The following SYNE2 variants were observed in gnomAD, a reference collection of about 807,000 sequenced individuals.
The protein encoded by SYNE2 is spectrin repeat containing nuclear envelope protein 2.
In SYNE2, 431 loss-of-function variants were observed where a neutral mutation model predicts 856.3. The ratio of observed to expected loss-of-function variants is 0.50; its 90% confidence interval spans 0.47 to 0.55. The LOEUF (loss-of-function observed/expected upper bound fraction) is 0.55. Among genes scored for constraint, SYNE2 ranks in the 20% least tolerant of loss-of-function variants. SYNE2 has a pLI of 0.00. For synonymous variants in SYNE2, 2,923 were observed against 2,872.3 expected (o/e 1.02, Z -0.56); for missense variants, 8,129 against 8,023.2 (o/e 1.01, Z -0.50).
At chr14:64,173,292 G>A (rs2098419468) in intron 94 of SYNE2, among the ~76,000 whole-genome samples, 1 of 152,246 alleles carries the variant, frequency 6.6e-6, no homozygotes, top group African/African-American at 2.4e-5. Context: ...ATAGTGTGCT[G>A]TTGACAGAGT....
In SYNE2 at chr14:64,073,981, G is replaced by C. The variant is rs2097435549; in HGVS notation, c.10711G>C (p.Val3571Leu). The C allele has an allele frequency of 6.2e-7, 1 of 1,614,080 alleles. No individual in the cohort carries two copies. Among genetic ancestry groups the C allele is most frequent in the Non-Finnish European group, 8.5e-7 (1 of 1,179,994 alleles). ...GTTCTCTTTTAGGCTTCTTCAGAAA[G>C]TTCAGAAAAATAAAGAATTGGTGCA... The part of the protein sequence containing the change: ...KERCNKLLQK[V>L]QKNKELVQTE... The change falls in exon 53 of 116, where the codon GTT (valine) becomes CTT (leucine). Residue 3571 changes from valine (V) to leucine (L), a missense_variant. By Grantham distance (32) the Val-to-Leu change is conservative (BLOSUM62 1). Coordinates refer to ENST00000555002, the MANE Select transcript of SYNE2 (RefSeq NM_182914.3).
At chr14:64,221,999 G>C (rs765917560) in intron 112 of SYNE2, among the ~76,000 whole-genome samples, 9 of 152,166 alleles carry the variant, frequency 5.9e-5, no homozygotes, top group Admixed American at 2.0e-4. Context: ...TTTTTCTCTC[G>C]TGAATCCTGC....
chr14:63,801,188 T>C lies in SYNE2; in HGVS notation c.-305+39202T>C, dbSNP rs552206005. Among the ~76,000 whole-genome samples the C allele has an allele frequency of 5.9e-5, 9 of 152,250 alleles. No homozygotes were observed. In the South Asian group the frequency reaches 1.9e-3, roughly 32 times the overall value. On this transcript the variant is annotated intron_variant, in intron 1 of 23. Coordinates refer to the SYNE2 transcript ENST00000674003. ...AGTGCCTGCCAGATATGACACATGCTACACAGAGAGCAGAAAGGGTTTCTT... is the reference window on the plus strand; with the variant it reads ...AGTGCCTGCCAGATATGACACATGCCACACAGAGAGCAGAAAGGGTTTCTT...
intron 1 of SYNE2, among the ~76,000 whole-genome samples, chr14:63,875,011 A>G (rs561711156): frequency 6.6e-6 from 1 of 152,172 alleles, no homozygotes; most frequent in Non-Finnish European, 1.5e-5. Flanking sequence ...TATCTTCTTC[A>G]TGATCACATG....
Position 64,190,227 on chromosome 14 carries a change from A to G in SYNE2, c.18028A>G (p.Ile6010Val), listed in dbSNP as rs749804851. 3 of 1,614,174 alleles carry G rather than the reference A, an allele frequency of 1.9e-6. No individual in the cohort carries two copies. The highest frequency in any genetic ancestry group is 1.7e-6 in the Non-Finnish European group (2 of 1,180,032). ...NDRWQHLFDV[I>V]GSRVKKLKET... ...TCGTTGGCAACATCTTTTTGATGTCATCGGATCAAGGTAAGAAATGGGCTA... is the reference window on the plus strand; with the variant it reads ...TCGTTGGCAACATCTTTTTGATGTCGTCGGATCAAGGTAAGAAATGGGCTA... The change falls in exon 99 of 116, where the codon ATC becomes GTC. Residue 6010 changes from isoleucine to valine, a missense_variant. Ile to Val is a conservative substitution (Grantham distance 29). Around this residue, in one of 3 missense-constraint regions of SYNE2, gnomAD observed 5,410 missense variants for 5,284.8 expected, o/e 1.02. Transcript: ENST00000555002.
intron 51 of SYNE2, among the ~76,000 whole-genome samples, chr14:64,069,593 T>A (rs1330355376): frequency 1.3e-5 from 2 of 152,180 alleles, no homozygotes; most frequent in African/African-American, 4.8e-5. Flanking sequence ...TGAGCAGTAA[T>A]CCCAAGGATA....
chr14:63,929,491 C>T (rs948419445), intron 2 of SYNE2, among the ~76,000 whole-genome samples: 1 of 152,140 alleles, frequency 6.6e-6, no homozygotes, highest in African/African-American at 2.4e-5. Context: ...TTCTCTGAGG[C>T]CAGCCGCTGT....
intron 6 of SYNE2, among the ~76,000 whole-genome samples, chr14:63,946,973 C>T (rs1265958498): frequency 1.3e-5 from 2 of 152,140 alleles, no homozygotes; most frequent in Middle Eastern, 3.4e-3. Flanking sequence ...CCTCAGCCTC[C>T]TGAGTATCTG....
intron 1 of SYNE2, among the ~76,000 whole-genome samples, chr14:63,781,725 G>A (rs1887319317): frequency 6.6e-6 from 1 of 151,640 alleles, no homozygotes; most frequent in South Asian, 2.1e-4. Context: ...CTCCAGTGTG[G>A]GACTAGAAAC....
intron 45 of SYNE2, among the ~76,000 whole-genome samples, chr14:64,036,172 T>G (rs973507852): frequency 4.0e-5 from 6 of 151,628 alleles, no homozygotes; most frequent in African/African-American, 1.5e-4. Flanking sequence ...GTTTCAAAGT[T>G]TCTTTTTCCT....
At chr14:64,095,712 G>T (rs2097671010) in intron 61 of SYNE2, among the ~76,000 whole-genome samples, 1 of 152,120 alleles carries the variant, frequency 6.6e-6, no homozygotes, top group Non-Finnish European at 1.5e-5. Flanking sequence ...TGCAGCAGAA[G>T]TGCCATATGC....
intron 45 of SYNE2, among the ~76,000 whole-genome samples, chr14:64,046,720 C>T (rs1343034795): frequency 3.3e-5 from 5 of 152,224 alleles, no homozygotes; most frequent in African/African-American, 9.6e-5. Flanking sequence ...AGAGGCACCT[C>T]GTCTACTTGG....
At chr14:64,219,454 T>C in intron 110 of SYNE2, 44 bp downstream of exon 110, 2 of 1,585,972 alleles carry the variant, frequency 1.3e-6, no homozygotes, top group Non-Finnish European at 1.7e-6. Flanking sequence ...AGAATGTGCA[T>C]GTGAACGCAT....
intron 80 of SYNE2, among the ~76,000 whole-genome samples, chr14:64,141,064 A>G (rs1023729308): frequency 2.0e-5 from 3 of 152,198 alleles, no homozygotes; most frequent in African/African-American, 7.2e-5. Context: ...GTTGGGTTCC[A>G]TAGTTTATTG....
chr14:64,040,025 G>A (rs1274297144), intron 45 of SYNE2, among the ~76,000 whole-genome samples: 4 of 152,160 alleles, frequency 2.6e-5, no homozygotes, highest in Non-Finnish European at 5.9e-5. Flanking sequence ...AGCAGGTTTT[G>A]AGTCTAAATT....
rs1478547212 is a variant in SYNE2, at chr14:64,225,428, CCCT to C, written c.20632_20634del (p.Ser6878del). On this transcript the variant is annotated inframe_deletion, in exon 116 of 116. Coordinates refer to ENST00000555002, the MANE Select transcript of SYNE2 (RefSeq NM_182914.3). ...GCTGCTGCTCCTGGCCTGCCTGCTGCCCTCCTCCGAAGAAGACTACAGCTGCAC... is the reference window on the plus strand; with the variant it reads ...GCTGCTGCTCCTGGCCTGCCTGCTGCCCTCCGAAGAAGACTACAGCTGCAC... 2 of 1,614,116 alleles carry C rather than the reference CCCT, an allele frequency of 1.2e-6. No individual in the cohort carries two copies. The highest frequency in any genetic ancestry group is 1.1e-5 in the South Asian group (1 of 91,066).
intron 1 of SYNE2, among the ~76,000 whole-genome samples, chr14:63,902,573 G>C (rs1409025684): frequency 1.3e-5 from 2 of 152,150 alleles, no homozygotes; most frequent in Non-Finnish European, 2.9e-5. Flanking sequence ...CAGCCGCTGT[G>C]TTCTCCTTAG....
intron 2 of SYNE2, among the ~76,000 whole-genome samples, chr14:63,939,091 A>G (rs1188513418): frequency 6.6e-6 from 1 of 152,210 alleles, no homozygotes; most frequent in Admixed American, 6.5e-5. Flanking sequence ...CATTGGGCAC[A>G]GGGTGCCATG....
At chr14:63,909,518 ACTT>A (rs1052727739) in intron 2 of SYNE2, among the ~76,000 whole-genome samples, 4 of 152,048 alleles carry the variant, frequency 2.6e-5, no homozygotes, top group Admixed American at 1.3e-4. Flanking sequence ...CATTGTTTTT[ACTT>A]CTTATCTTTT....
Sources: allele counts gnomAD v4.1 joint callset (sites outside exome capture counted in the v4.1 genomes callset), GRCh38; gene constraint gnomAD v4.1.1; regional missense constraint gnomAD v4.1.1; transcripts MANE v1.5; gene names NCBI Gene and HGNC (gene_info 2026-07-23, HGNC 2026-07-21).